Variants in BLVRA observed in about 807,000 individuals in gnomAD.
BLVRA encodes BVR A.
Under a neutral mutation model 32.8 loss-of-function variants are expected in BLVRA, and 22 were observed. The ratio of observed to expected loss-of-function variants is 0.67; its 90% CI spans 0.48 to 0.96. The LOEUF is 0.96. BLVRA is among the 40% of genes least tolerant of loss of function. The pLI is 0.00. For missense variants in BLVRA, 323 were observed against 358.1 expected (o/e 0.90, Z 0.79); for synonymous variants, 119 against 141.3 (o/e 0.84, Z 1.12).
At chr7:43,762,350 T>G (rs1282675584) in intron 1 of BLVRA, among the ~76,000 whole-genome samples, 3 of 151,674 alleles carry the variant, frequency 2.0e-5, no homozygotes, top group Non-Finnish European at 4.4e-5. Context: ...ATCAGAAATG[T>G]TGGTGAGAAA....
intron 1 of BLVRA, chr7:43,764,044 T>C (rs1306111697): frequency 6.6e-6 from 1 of 152,246 alleles, no homozygotes; most frequent in African/African-American, 2.4e-5. Flanking sequence ...CTCGATCTGC[T>C]GAAGAAAGAT....
chr7:43,781,133 ACT>A (rs1217655476), intron 2 of BLVRA, among the ~76,000 whole-genome samples: 1 of 149,456 alleles, frequency 6.7e-6, no homozygotes, highest in Non-Finnish European at 1.5e-5. Context: ...ACAGAGCAAG[ACT>A]CTGCCTCAAA....
At chr7:43,758,766 G>C (rs1381390781) in intron 1 of BLVRA, 32 bp downstream of exon 1, 1 of 151,742 alleles carries the variant, frequency 6.6e-6, no homozygotes, top group Non-Finnish European at 1.5e-5. Context: ...GGGGTCGCGC[G>C]CAGGGGAGCG....
At chr7:43,761,197 A>G (rs1012515321) in intron 1 of BLVRA, among the ~76,000 whole-genome samples, 1 of 152,266 alleles carries the variant, frequency 6.6e-6, no homozygotes, top group African/African-American at 2.4e-5. Context: ...TTTCCAAAGT[A>G]CAATGCCCCA....
intron 4 of BLVRA, among the ~76,000 whole-genome samples, chr7:43,792,300 G>A (rs190812453): frequency 2.4e-4 from 37 of 152,322 alleles, no homozygotes; most frequent in Non-Finnish European, 5.0e-4. Flanking sequence ...CTCATACTTT[G>A]AGACCCAGTT....
chr7:43,805,458 T>C (rs1317564732), intron 7 of BLVRA, among the ~76,000 whole-genome samples: 1 of 151,972 alleles, frequency 6.6e-6, no homozygotes, highest in Non-Finnish European at 1.5e-5. Flanking sequence ...CATTTTTGTA[T>C]TGTTAGTAGA....
At chr7:43,785,090 G>A (rs758457965) in intron 2 of BLVRA, among the ~76,000 whole-genome samples, 1 of 152,098 alleles carries the variant, frequency 6.6e-6, no homozygotes, top group African/African-American at 2.4e-5. Flanking sequence ...AGATAATGGA[G>A]CTGTTTCTTA....
chr7:43,767,366 C>T, intron 1 of BLVRA: 1 of 1,599,786 alleles, frequency 6.3e-7, no homozygotes, highest in Non-Finnish European at 8.5e-7. Flanking sequence ...TTAGCATCTA[C>T]ACTGAAGACG....
chr7:43,798,422 ACT>A (rs1386583096), intron 5 of BLVRA, among the ~76,000 whole-genome samples: 1 of 152,076 alleles, frequency 6.6e-6, no homozygotes, highest in Admixed American at 6.6e-5. Context: ...TTCTCATCAC[ACT>A]GTCTGATATT....
At chr7:43,770,964 T>C (rs2095754038) in intron 1 of BLVRA, among the ~76,000 whole-genome samples, 174 bp from the exon 2 acceptor site, 1 of 152,082 alleles carries the variant, frequency 6.6e-6, no homozygotes, top group Non-Finnish European at 1.5e-5. Context: ...AGCCCCAAAG[T>C]AGACACTGGC....
chr7:43,805,182 C>G (rs1413371473), intron 7 of BLVRA, among the ~76,000 whole-genome samples: 1 of 151,964 alleles, frequency 6.6e-6, no homozygotes, highest in Admixed American at 6.6e-5. Context: ...TAGGTCAGCT[C>G]ATGGTTCTGA....
intron 2 of BLVRA, among the ~76,000 whole-genome samples, chr7:43,777,851 C>G (rs1035377275): frequency 6.6e-6 from 1 of 152,160 alleles, no homozygotes; most frequent in East Asian, 1.9e-4. Flanking sequence ...TCTTTTTATT[C>G]TTCTTTCTCT....
intron 2 of BLVRA, among the ~76,000 whole-genome samples, chr7:43,786,014 G>A (rs2095777055): frequency 6.6e-6 from 1 of 152,114 alleles, no homozygotes; most frequent in Non-Finnish European, 1.5e-5. Flanking sequence ...GATTTCTATA[G>A]AATTTGAATG....
rs377670975 is a variant in BLVRA at position 43,803,696 on chromosome 7, C to T, written c.481C>T (p.Arg161Trp). Residue 161 changes from arginine to tryptophan, a missense_variant, in exon 7 of 8, where the codon CGG (arginine) becomes TGG (tryptophan). Coordinates refer to ENST00000265523, the MANE Select transcript of BLVRA (RefSeq NM_000712.4). Reference sequence around the variant, plus strand: ...CACAGCTGGCCCGTTGGAAGAAGAGCGGTTTGGCTTCCCTGCATTCAGCGG... The same window carrying T: ...CACAGCTGGCCCGTTGGAAGAAGAGTGGTTTGGCTTCCCTGCATTCAGCGG... ...LFTAGPLEEE[R>W]FGFPAFSGIS... is the part of the protein sequence containing the mutation. 51 of 1,613,232 alleles carry T rather than the reference C, an allele frequency of 3.2e-5. No homozygotes were observed. The highest frequency in any genetic ancestry group is 8.9e-5 in the East Asian group (4 of 44,842).
At chr7:43,792,446 T>A (rs984277900) in intron 4 of BLVRA, among the ~76,000 whole-genome samples, 1 of 152,238 alleles carries the variant, frequency 6.6e-6, no homozygotes, top group Non-Finnish European at 1.5e-5. Context: ...CCACAGTAAT[T>A]GGTAAATAGT....
intron 2 of BLVRA, among the ~76,000 whole-genome samples, chr7:43,778,869 T>C (rs1186228795): frequency 1.3e-5 from 2 of 152,172 alleles, no homozygotes; most frequent in Non-Finnish European, 2.9e-5. Context: ...CAGGCGCCCC[T>C]CCCCCAGCCT....
intron 2 of BLVRA, among the ~76,000 whole-genome samples, chr7:43,779,189 C>T (rs1343521589): frequency 2.0e-5 from 3 of 152,240 alleles, no homozygotes; most frequent in African/African-American, 7.2e-5. Context: ...TGAGGTGAAC[C>T]CGGTACCTCA....
chr7:43,767,462 C>A, intron 1 of BLVRA: 1 of 1,458,718 alleles, frequency 6.9e-7, no homozygotes, highest in Non-Finnish European at 9.6e-7. Context: ...TGGAGGCGCC[C>A]TTGGGATATC....
intron 2 of BLVRA, among the ~76,000 whole-genome samples, chr7:43,774,016 T>A (rs1362667108): frequency 1.3e-5 from 2 of 152,208 alleles, no homozygotes; most frequent in Non-Finnish European, 2.9e-5. Context: ...TTTGTTTGAG[T>A]TCATTGTAGA....
Sources: allele counts gnomAD v4.1 joint callset (sites outside exome capture counted in the v4.1 genomes callset), GRCh38; gene constraint gnomAD v4.1.1; transcripts MANE v1.5; gene names NCBI Gene and HGNC (gene_info 2026-07-23, HGNC 2026-07-21).